Variants in HTR4 observed in about 807,000 individuals in gnomAD.
The protein encoded by HTR4 is 5-hydroxytryptamine receptor 4.
In HTR4, 16 loss-of-function variants were observed where a neutral mutation model predicts 36.8. The observed-to-expected ratio is 0.43, with a 90% CI of 0.29 to 0.66. The LOEUF is 0.66. Among genes scored for constraint, HTR4 ranks in the 30% least tolerant of loss-of-function variants. The pLI, the probability that HTR4 is intolerant of heterozygous loss-of-function variation, is 0.13. For synonymous variants in HTR4, 189 were observed against 185.1 expected (o/e 1.02, Z -0.17); for missense variants, 438 against 490.9 (o/e 0.89, Z 1.02).
intron 2 of HTR4, among the ~76,000 whole-genome samples, chr5:148,551,661 A>G (rs2113851527): frequency 6.6e-6 from 1 of 152,342 alleles, no homozygotes; most frequent in East Asian, 1.9e-4. Context: ...GCGGTGTCCA[A>G]TCTTTTGGCT....
intron 2 of HTR4, among the ~76,000 whole-genome samples, chr5:148,567,656 A>C (rs1760502456): frequency 6.6e-6 from 1 of 152,026 alleles, no homozygotes; most frequent in Non-Finnish European, 1.5e-5. Flanking sequence ...GTGCGCTCTG[A>C]CCTGTGCGCC....
chr5:148,618,581 G>A (rs142882015), intron 2 of HTR4, among the ~76,000 whole-genome samples: 182 of 152,170 alleles, frequency 1.2e-3, no homozygotes, highest in African/African-American at 4.1e-3. Flanking sequence ...CTCTCCCCTC[G>A]GCCCTTCAGG....
At chr5:148,652,977 C>T (rs1484566014) in intron 1 of HTR4, among the ~76,000 whole-genome samples, 1 of 152,112 alleles carries the variant, frequency 6.6e-6, no homozygotes, top group African/African-American at 2.4e-5. Context: ...TCCTTGTTTT[C>T]AGGGCACCGC....
intron 4 of HTR4, among the ~76,000 whole-genome samples, chr5:148,530,331 T>G (rs1758496948): frequency 1.3e-5 from 2 of 152,122 alleles, no homozygotes; most frequent in Non-Finnish European, 2.9e-5. Flanking sequence ...AATGGTTTTG[T>G]GAGCCAGACC....
At chr5:148,642,464 AAGTT>A (rs1053466788) in intron 1 of HTR4, among the ~76,000 whole-genome samples, 3 of 152,192 alleles carry the variant, frequency 2.0e-5, no homozygotes, top group African/African-American at 7.2e-5. Flanking sequence ...GGTAGAATAA[AAGTT>A]AGAGAAATGT....
intron 2 of HTR4, among the ~76,000 whole-genome samples, chr5:148,561,581 C>T (rs1178358694): frequency 6.6e-6 from 1 of 151,832 alleles, no homozygotes; most frequent in African/African-American, 2.4e-5. Context: ...ATCATTTTTT[C>T]TTTATATGTG....
downstream of HTR4, among the ~76,000 whole-genome samples, chr5:148,474,097 A>G (rs1755636443): frequency 6.6e-6 from 1 of 151,984 alleles, no homozygotes; most frequent in African/African-American, 2.4e-5. Flanking sequence ...CCTTCCACTG[A>G]CTCATATCCC....
rs572563073 is a variant in HTR4, at chr5:148,638,653, T to C, written c.-47-1592A>G. ...CACAAAAACCTGCTCTTCCCCAGTG[T>C]TCTCTATCTCAGTAAATGGCCCACC... On this transcript the variant is annotated intron_variant, in intron 1 of 6. Coordinates refer to ENST00000377888, the MANE Select transcript of HTR4 (RefSeq NM_000870.7). 1.6e-4 allele frequency among the ~76,000 whole-genome samples: 24 copies of C among 152,222 alleles called. 1 individual carries two copies. Among genetic ancestry groups the C allele is most frequent in the African/African-American group, 5.5e-4 (23 of 41,560 alleles).
chr5:148,523,209 A>T lies in HTR4; in HGVS notation c.491T>A (p.Ile164Asn). The T allele has an allele frequency of 5.0e-6, 8 of 1,613,572 alleles. No homozygotes were observed. The highest frequency in any genetic ancestry group is 6.8e-6 in the Non-Finnish European group (8 of 1,179,746). ...FLPIMQGWNN[I>N]GIIDLIEKRK... The stretch of plus-strand genomic sequence containing the variant: ...GATACTCACCAAATCAATTATGCCA[A>T]TGTTATTCCAGCCTTGCATTATAGG... Residue 164 changes from isoleucine (I) to asparagine (N), a missense_variant, in exon 5 of 7, where the codon ATT becomes AAT. Transcript: ENST00000377888.
In HTR4 at chr5:148,557,921, C is replaced by A. The variant is rs550488582; in HGVS notation, c.27-7659G>T. On this transcript the variant is annotated intron_variant, in intron 2 of 6. Transcript: ENST00000377888. The stretch of plus-strand genomic sequence containing the variant: ...TCTCTTTATATTTTTATGTATCGAA[C>A]TTTGCAATAAAATTATGTTAGACCA... Among the ~76,000 whole-genome samples, 105 of 151,786 alleles carry A rather than the reference C, an allele frequency of 6.9e-4. No individual in the cohort carries two copies. The Middle Eastern group carries it at 0.01, about 15-fold the overall frequency.
chr5:148,491,047 C>A (rs1398459364), intron 6 of HTR4, among the ~76,000 whole-genome samples: 1 of 152,144 alleles, frequency 6.6e-6, no homozygotes, highest in Non-Finnish European at 1.5e-5. Context: ...CAGGTACCTG[C>A]ACATTGCACC....
At chr5:148,465,686 C>T (rs1367861610) in intron 5 of HTR4, among the ~76,000 whole-genome samples, 1 of 152,178 alleles carries the variant, frequency 6.6e-6, no homozygotes, top group Non-Finnish European at 1.5e-5. Context: ...AAATAAACCA[C>T]TGAAACTATA....
At chr5:148,530,680 G>A (rs771382318) in intron 4 of HTR4, among the ~76,000 whole-genome samples, 5 of 152,190 alleles carry the variant, frequency 3.3e-5, no homozygotes, top group Non-Finnish European at 5.9e-5. Flanking sequence ...GTAGAGCTGC[G>A]AGAAGAGGGC....
intron 4 of HTR4, among the ~76,000 whole-genome samples, chr5:148,539,444 A>G (rs1758998975): frequency 6.6e-6 from 1 of 152,180 alleles, no homozygotes; most frequent in South Asian, 2.1e-4. Flanking sequence ...CCTACAGAAT[A>G]GGAGAAAGTA....
intron 6 of HTR4, among the ~76,000 whole-genome samples, chr5:148,494,310 T>G (rs1275921506): frequency 6.6e-6 from 1 of 152,194 alleles, no homozygotes; most frequent in Non-Finnish European, 1.5e-5. Context: ...CCTGCCCTCA[T>G]AGACTGGCAG....
chr5:148,557,771 A>G, intron 2 of HTR4, among the ~76,000 whole-genome samples: 1 of 148,176 alleles, frequency 6.7e-6, no homozygotes, highest in East Asian at 1.9e-4. Flanking sequence ...TATATATAAT[A>G]TATTATATAA....
intron 2 of HTR4, among the ~76,000 whole-genome samples, chr5:148,568,414 C>A (rs530683969): frequency 2.0e-5 from 3 of 152,150 alleles, no homozygotes; most frequent in East Asian, 3.9e-4. Flanking sequence ...ACTAACGAAC[C>A]AATCAATATT....
At chr5:148,554,687 C>T (rs1046087666) in intron 2 of HTR4, among the ~76,000 whole-genome samples, 5 of 152,118 alleles carry the variant, frequency 3.3e-5, no homozygotes, top group African/African-American at 1.2e-4. Flanking sequence ...TATTTTAGGT[C>T]CAGAGGTACA....
chr5:148,505,892 G>T (rs1468243042), intron 6 of HTR4, among the ~76,000 whole-genome samples: 1 of 152,034 alleles, frequency 6.6e-6, no homozygotes, highest in Non-Finnish European at 1.5e-5. Flanking sequence ...ACAAATGGAA[G>T]GACATTCCAT....
Sources: gnomAD v4.1 joint callset for allele counts (sites outside exome capture counted in the v4.1 genomes callset) on GRCh38, gnomAD v4.1.1 for gene constraint, MANE v1.5 for transcripts, NCBI Gene and HGNC (gene_info 2026-07-23, HGNC 2026-07-21) for gene names.